CCND3: variants seen among roughly 807,000 people sequenced by gnomAD.
CCND3 encodes the protein G1/S-specific cyclin-D3.
A neutral mutation model predicts 28.7 loss-of-function variants in CCND3; 9 were observed. The observed-to-expected ratio is 0.31, with a 90% CI of 0.19 to 0.55. CCND3 has a LOEUF of 0.55. Among genes scored for constraint, CCND3 ranks in the 20% least tolerant of loss-of-function variants. The pLI, the probability that CCND3 is intolerant of heterozygous loss-of-function variation, is 0.93. For synonymous variants in CCND3, 164 were observed against 163.9 expected (o/e 1.00, Z 0.00); for missense variants, 315 against 385.8 (o/e 0.82, Z 1.54).
At chr6:41,962,662 T>A (rs1404169222) in intron 1 of CCND3, among the ~76,000 whole-genome samples, 1 of 152,154 alleles carries the variant, frequency 6.6e-6, no homozygotes, top group Non-Finnish European at 1.5e-5. Flanking sequence ...GGTGGGAAGA[T>A]TACTTGAGCC....
At chr6:42,044,184 C>T (rs1035291342) in intron 1 of CCND3, among the ~76,000 whole-genome samples, 3 of 152,374 alleles carry the variant, frequency 2.0e-5, no homozygotes, top group Admixed American at 2.0e-4. Context: ...GAGGCCTGCA[C>T]GTTCTGGCCG....
chr6:41,950,393 T>G (rs1776274039), intron 1 of CCND3, among the ~76,000 whole-genome samples: 1 of 152,170 alleles, frequency 6.6e-6, no homozygotes, highest in Admixed American at 6.6e-5. Flanking sequence ...GAGCTCTGGA[T>G]TTAGGTTGAT....
chr6:41,940,219 A>G (rs1775947872), intron 2 of CCND3, 151 bp downstream of exon 2: 8 of 701,234 alleles, frequency 1.1e-5, no homozygotes, highest in Non-Finnish European at 1.7e-5. Context: ...ACAATGCCCC[A>G]TCGTTTGTTC....
intron 1 of CCND3, among the ~76,000 whole-genome samples, chr6:42,032,404 C>T (rs1158494575): frequency 6.6e-6 from 1 of 152,184 alleles, no homozygotes; most frequent in Admixed American, 6.5e-5. Context: ...GTTTTTTCTG[C>T]ACTTAGAATT....
chr6:42,044,216 G>T (rs1012613909), intron 1 of CCND3, among the ~76,000 whole-genome samples: 2 of 152,278 alleles, frequency 1.3e-5, no homozygotes, highest in Non-Finnish European at 2.9e-5. Flanking sequence ...AGACAGAAGA[G>T]CACCTTTTAC....
intron 1 of CCND3, among the ~76,000 whole-genome samples, chr6:41,952,393 T>C (rs1776337826): frequency 1.3e-5 from 2 of 152,094 alleles, no homozygotes; most frequent in African/African-American, 4.8e-5. Flanking sequence ...GGTGGACAAA[T>C]GGAGCTCAAT....
intron 1 of CCND3, among the ~76,000 whole-genome samples, chr6:41,972,015 G>A: frequency 6.7e-6 from 1 of 149,888 alleles, no homozygotes; most frequent in Admixed American, 6.6e-5. Flanking sequence ...CACGAGGTCA[G>A]GAGATCGAGA....
At chr6:41,947,901 G>A (rs1031930671) in intron 1 of CCND3, among the ~76,000 whole-genome samples, 1 of 151,952 alleles carries the variant, frequency 6.6e-6, no homozygotes, top group Non-Finnish European at 1.5e-5. Context: ...ATTTCATTTG[G>A]AGTGACTGCC....
At chr6:41,946,421 C>T (rs1776170109), upstream of CCND3, among the ~76,000 whole-genome samples, 1 of 151,114 alleles carries the variant, frequency 6.6e-6, no homozygotes, top group South Asian at 2.1e-4. Context: ...CACAGTAAAA[C>T]CCCATCTCTA....
chr6:41,961,081 A>G (rs999821726), intron 1 of CCND3, among the ~76,000 whole-genome samples: 4 of 152,364 alleles, frequency 2.6e-5, no homozygotes, highest in Non-Finnish European at 5.9e-5. Flanking sequence ...CTCGTTTCTG[A>G]GCAAACAATC....
intron 1 of CCND3, among the ~76,000 whole-genome samples, chr6:42,021,938 G>A (rs748890480): frequency 1.7e-4 from 26 of 152,202 alleles, no homozygotes; most frequent in Admixed American, 9.2e-4. Context: ...TGCCCATAAA[G>A]GGCTGAAGGA....
chr6:41,936,842 T>C lies in CCND3; in HGVS notation c.575-147A>G, dbSNP rs971219780. 6.5e-5 allele frequency: 48 copies of C among 734,242 alleles called. No individual in the cohort carries two copies. In the African/African-American group the frequency reaches 7.1e-4, roughly 11 times the overall value. The allele number at this position is 734,242 out of a possible 1,614,324, so 45.5% of individuals were successfully genotyped here. A position where few individuals can be genotyped will look rare whatever the true frequency, so the allele number is the denominator to read the frequency against. On this transcript the variant is annotated intron_variant, in intron 3 of 4. Coordinates refer to ENST00000372991, the MANE Select transcript of CCND3 (RefSeq NM_001760.5). This position sits in a 1 kb window ranked among gnomAD's most constrained non-coding sequence, Gnocchi z 4.4. ...CTCCAGCAGTGGGTGGGGCAAGATA[T>C]CAGCAAGGGAGGAAGACAGGAAAGA...
chr6:41,937,071 T>C, intron 3 of CCND3, 164 bp downstream of exon 3: 1 of 729,254 alleles, frequency 1.4e-6, no homozygotes, highest in South Asian at 1.7e-5. Flanking sequence ...AGATCCCATA[T>C]AGCTGATTAT....
At chr6:41,983,531 T>C (rs997893790) in intron 1 of CCND3, among the ~76,000 whole-genome samples, 5 of 151,972 alleles carry the variant, frequency 3.3e-5, no homozygotes, top group Admixed American at 1.3e-4. Context: ...AATATCATCA[T>C]TATTAACTAT....
At chr6:42,007,215 A>G (rs61462530) in intron 1 of CCND3, among the ~76,000 whole-genome samples, 7,491 of 152,296 alleles carry the variant, frequency 0.049, 334 homozygotes, top group African/African-American at 0.11. Flanking sequence ...TTGTACACTT[A>G]TTGGTTGTTT....
At chr6:41,992,617 T>G (rs1762687175) in intron 1 of CCND3, among the ~76,000 whole-genome samples, 1 of 151,848 alleles carries the variant, frequency 6.6e-6, no homozygotes, top group South Asian at 2.1e-4. Context: ...CCCAGCTAAT[T>G]TTTGTATTTT....
At chr6:41,959,679 T>TCTAAAAAAAAAAAAAAAA (rs772818142) in intron 1 of CCND3, among the ~76,000 whole-genome samples, 1 of 147,120 alleles carries the variant, frequency 6.8e-6, no homozygotes, top group African/African-American at 2.6e-5. Context: ...ACAGCAAGAC[T>TCTAAAAAAAAAAAAAAAA]AAATCAGGCC....
chr6:42,020,219 T>C (rs911760528), intron 1 of CCND3, among the ~76,000 whole-genome samples: 3 of 152,042 alleles, frequency 2.0e-5, no homozygotes, highest in African/African-American at 7.2e-5. Context: ...GAGGTGGAGC[T>C]TGCAGTGAGC....
Position 41,941,767 on chromosome 6 carries a change from C to A in CCND3, c.-118G>T. On this transcript the variant is annotated 5_prime_UTR_variant, in exon 1 of 5. Transcript: ENST00000372991. The surrounding 1 kb of genome is among the most constrained non-coding windows in gnomAD (Gnocchi z 6.1). ...GGCGCTGGCACTGCGCGGCGGATCC[C>A]CAGCCCGCCCGCCGCCCGCGCGCGC... 1 of 577,650 alleles carries A rather than the reference C, an allele frequency of 1.7e-6. No homozygotes were observed. The highest frequency in any genetic ancestry group is 2.3e-6 in the Non-Finnish European group (1 of 435,588). 35.8% of individuals were successfully genotyped at this position (577,650 alleles called of 1,614,324 possible). A position where few individuals can be genotyped will look rare whatever the true frequency, so the allele number is the denominator to read the frequency against.
Sources: allele counts gnomAD v4.1 joint callset (sites outside exome capture counted in the v4.1 genomes callset), GRCh38; gene constraint gnomAD v4.1.1; non-coding constraint Gnocchi (gnomAD v3.1); transcripts MANE v1.5; gene names NCBI Gene and HGNC (gene_info 2026-07-23, HGNC 2026-07-21).